DTNB: variants seen among roughly 807,000 people sequenced by gnomAD.
The protein encoded by DTNB is DTN-B.
Under a neutral mutation model 90.7 loss-of-function variants are expected in DTNB, and 63 were observed. That is an observed-to-expected ratio of 0.69 (90% CI 0.57 to 0.86). The LOEUF (loss-of-function observed/expected upper bound fraction) is 0.86, where lower values mean the gene tolerates loss of function less well. Ranked by LOEUF, DTNB falls within the 40% of genes least tolerant of loss-of-function variation. The probability of loss-of-function intolerance (pLI) is 0.00; values close to 1 mark genes in which losing one functional copy is unlikely to be tolerated. For synonymous variants in DTNB, 277 were observed against 286.7 expected (o/e 0.97, Z 0.34); for missense variants, 744 against 807.1 (o/e 0.92, Z 0.95).
At chr2:25,607,978 G>A (rs1251722089) in intron 4 of DTNB, among the ~76,000 whole-genome samples, 7 of 152,102 alleles carry the variant, frequency 4.6e-5, no homozygotes, top group Admixed American at 3.9e-4. Flanking sequence ...ATCACCTAAG[G>A]TAATGCTGCA....
intron 12 of DTNB, among the ~76,000 whole-genome samples, chr2:25,443,587 C>G (rs1403379406): frequency 6.6e-6 from 1 of 152,196 alleles, no homozygotes; most frequent in Admixed American, 6.5e-5. Context: ...GCTAGGCTTT[C>G]TTTATATTCC....
At chr2:25,592,419 T>C (rs2063746002) in intron 6 of DTNB, among the ~76,000 whole-genome samples, 1 of 152,186 alleles carries the variant, frequency 6.6e-6, no homozygotes, top group African/African-American at 2.4e-5. Flanking sequence ...ATACTCCAAA[T>C]ATCTTTACCA....
intron 6 of DTNB, among the ~76,000 whole-genome samples, chr2:25,589,088 C>T (rs1392601434): frequency 6.6e-6 from 1 of 152,216 alleles, no homozygotes; most frequent in Non-Finnish European, 1.5e-5. Context: ...AATCATTTCG[C>T]TACATAGCTG....
chr2:25,446,753 G>C (rs910030341), intron 12 of DTNB, among the ~76,000 whole-genome samples: 1 of 152,144 alleles, frequency 6.6e-6, no homozygotes, highest in Admixed American at 6.5e-5. Flanking sequence ...GGGACTCATT[G>C]CGATATATTC....
chr2:25,612,702 A>T (rs1012574225), intron 4 of DTNB, among the ~76,000 whole-genome samples: 1 of 152,140 alleles, frequency 6.6e-6, no homozygotes, highest in Non-Finnish European at 1.5e-5. Flanking sequence ...GAAAAAAAAG[A>T]AGACACAAAT....
intron 2 of DTNB, among the ~76,000 whole-genome samples, chr2:25,645,765 T>C (rs556471975): frequency 6.6e-6 from 1 of 152,252 alleles, no homozygotes; most frequent in South Asian, 2.1e-4. Context: ...ATACTAAAAA[T>C]GGTATAAATT....
intron 10 of DTNB, among the ~76,000 whole-genome samples, chr2:25,457,158 C>T (rs1458399402): frequency 2.6e-5 from 4 of 151,978 alleles, no homozygotes; most frequent in South Asian, 2.1e-4. Context: ...TATAGGCGTG[C>T]GCCACCACGC....
intron 16 of DTNB, among the ~76,000 whole-genome samples, chr2:25,395,557 T>C (rs1485988003): frequency 6.7e-6 from 1 of 149,230 alleles, no homozygotes; most frequent in Non-Finnish European, 1.5e-5. Context: ...AATATAAATA[T>C]AAATATATAT....
intron 9 of DTNB, chr2:25,497,308 T>C (rs1054713138): frequency 2.0e-5 from 3 of 152,230 alleles, no homozygotes; most frequent in African/African-American, 7.2e-5. Context: ...CTACTTGCAA[T>C]AGAATCCAAG....
At chr2:25,508,746 C>G (rs542375657) in intron 9 of DTNB, among the ~76,000 whole-genome samples, 65 of 152,156 alleles carry the variant, frequency 4.3e-4, no homozygotes, top group African/African-American at 1.4e-3. Context: ...GTTGGTCAGG[C>G]TGGTCTCAAA....
chr2:25,383,704 T>C lies in DTNB; in HGVS notation c.1879+132A>G, dbSNP rs752261396. The stretch of plus-strand genomic sequence containing the variant: ...CTGACTGTCAGATGGGAAAAGTAGG[T>C]ACAGGGACCTCGGGTCCGAAAGCTC... On this transcript the variant is annotated intron_variant, in intron 19 of 20. Transcript: ENST00000406818. 6 of 1,576,088 alleles carry C rather than the reference T, an allele frequency of 3.8e-6. No individual in the cohort carries two copies. In the East Asian group the frequency reaches 1.3e-4, roughly 35 times the overall value.
chr2:25,465,841 A>G (rs2061678967), intron 10 of DTNB, among the ~76,000 whole-genome samples: 1 of 152,094 alleles, frequency 6.6e-6, no homozygotes. Flanking sequence ...AGCATTTACC[A>G]CTATTCTTTA....
chr2:25,507,584 C>G (rs1311550437), intron 9 of DTNB, among the ~76,000 whole-genome samples: 1 of 152,168 alleles, frequency 6.6e-6, no homozygotes, highest in Non-Finnish European at 1.5e-5. Flanking sequence ...ATCTTATCAC[C>G]TCTTATTACC....
chr2:25,383,548 C>G (rs2038515469), intron 19 of DTNB: 1 of 510,262 alleles, frequency 2.0e-6, no homozygotes, highest in Non-Finnish European at 3.4e-6. Context: ...AGATCATAAA[C>G]TTCTCCAGTC....
chr2:25,378,494 A>T (rs2036527567), intron 20 of DTNB, among the ~76,000 whole-genome samples: 1 of 152,120 alleles, frequency 6.6e-6, no homozygotes, highest in Middle Eastern at 3.2e-3. Context: ...AGGGTCTGAA[A>T]AAACCCCTTT....
At chr2:25,654,539 C>T (rs2081678701) in intron 1 of DTNB, among the ~76,000 whole-genome samples, 1 of 152,190 alleles carries the variant, frequency 6.6e-6, no homozygotes, top group African/African-American at 2.4e-5. Flanking sequence ...CATTCGAAAA[C>T]AGCCAGTATT....
intron 2 of DTNB, among the ~76,000 whole-genome samples, chr2:25,650,932 G>A (rs932579785): frequency 2.6e-5 from 4 of 151,636 alleles, no homozygotes; most frequent in African/African-American, 4.8e-5. Flanking sequence ...CTGCACTCCC[G>A]CCTGGGCGGC....
intron 4 of DTNB, among the ~76,000 whole-genome samples, chr2:25,625,306 C>T (rs1030038197): frequency 6.6e-6 from 1 of 152,146 alleles, no homozygotes; most frequent in African/African-American, 2.4e-5. Flanking sequence ...AAGTATTTAA[C>T]GACAAAATGC....
chr2:25,483,200 C>T (rs1339836950), intron 9 of DTNB, among the ~76,000 whole-genome samples: 5 of 152,318 alleles, frequency 3.3e-5, no homozygotes, highest in Middle Eastern at 3.4e-3. Flanking sequence ...TACTGCAGGA[C>T]GTAACTTTGG....
Sources: allele counts gnomAD v4.1 joint callset (sites outside exome capture counted in the v4.1 genomes callset), GRCh38; gene constraint gnomAD v4.1.1; transcripts MANE v1.5; gene names NCBI Gene and HGNC (gene_info 2026-07-23, HGNC 2026-07-21).